KDM4C: variants seen among roughly 807,000 people sequenced by gnomAD.
KDM4C encodes the protein lysine demethylase 4C.
A neutral mutation model predicts 129.3 loss-of-function variants in KDM4C; 81 were observed. The ratio of observed to expected loss-of-function variants is 0.63; its 90% CI spans 0.52 to 0.75. The LOEUF (loss-of-function observed/expected upper bound fraction) is 0.75, where lower values mean the gene tolerates loss of function less well. Ranked by LOEUF, KDM4C falls within the 30% of genes least tolerant of loss-of-function variation. The pLI is 0.00. For missense variants in KDM4C, 1,457 were observed against 1,304.0 expected (o/e 1.12, Z -1.81); for synonymous variants, 573 against 456.1 (o/e 1.26, Z -3.26).
At chr9:6,839,212 G>A (rs951184142) in intron 4 of KDM4C, among the ~76,000 whole-genome samples, 11 of 152,072 alleles carry the variant, frequency 7.2e-5, no homozygotes, top group African/African-American at 2.7e-4. Flanking sequence ...CAAGTCAAAT[G>A]AGGAAAGGCA....
chr9:7,032,260 C>T (rs1327078885), intron 15 of KDM4C, among the ~76,000 whole-genome samples: 4 of 152,264 alleles, frequency 2.6e-5, no homozygotes, highest in East Asian at 3.9e-4. Flanking sequence ...AATCTGAAGG[C>T]AACTTTCTGT....
intron 18 of KDM4C, among the ~76,000 whole-genome samples, chr9:7,116,508 C>G (rs558548182): frequency 6.6e-6 from 1 of 152,148 alleles, no homozygotes; most frequent in Non-Finnish European, 1.5e-5. Context: ...CAGTTCTTTC[C>G]CATCCTGCCC....
intron 9 of KDM4C, among the ~76,000 whole-genome samples, chr9:6,981,408 T>C (rs1816743714): frequency 6.6e-6 from 1 of 152,214 alleles, no homozygotes; most frequent in African/African-American, 2.4e-5. Context: ...GGTTGTATTA[T>C]TCCTTTCTGT....
intron 15 of KDM4C, among the ~76,000 whole-genome samples, chr9:7,045,849 GTAAAAGC>G (rs1338337618): frequency 5.9e-5 from 9 of 151,968 alleles, no homozygotes; most frequent in Admixed American, 5.9e-4. Context: ...CCTCAGAAAA[GTAAAAGC>G]TATGAAGTTT....
intron 12 of KDM4C, among the ~76,000 whole-genome samples, chr9:7,006,560 G>C (rs1821709621): frequency 6.6e-6 from 1 of 152,080 alleles, no homozygotes; most frequent in South Asian, 2.1e-4. Flanking sequence ...TGGAAAGGCT[G>C]AGAAGGGAGG....
rs572239116 is a variant in KDM4C at position 6,807,141 on chromosome 9, C to A, written c.320+1367C>A. ...CTAACCGCGAGTGATCCGCCAGCCT[C>A]GGCCTCCCGAGGTGCCGGGATTGCA... On this transcript the variant is annotated intron_variant, in intron 3 of 21. Coordinates refer to ENST00000381309, the MANE Select transcript of KDM4C (RefSeq NM_015061.6). Among the ~76,000 whole-genome samples the A allele has an allele frequency of 3.5e-3, 535 of 152,054 alleles. 3 individuals are homozygous for A. Among genetic ancestry groups the A allele is most frequent in the Non-Finnish European group, 6.2e-3 (418 of 67,852 alleles).
chr9:6,925,505 A>G (rs1166206934), intron 8 of KDM4C: 4 of 838,240 alleles, frequency 4.8e-6, no homozygotes, highest in African/African-American at 2.1e-5. Flanking sequence ...CATCTTGCTC[A>G]TGCTGCTTTC....
At chr9:7,059,743 A>T (rs931775869) in intron 17 of KDM4C, among the ~76,000 whole-genome samples, 1 of 152,246 alleles carries the variant, frequency 6.6e-6, no homozygotes, top group Non-Finnish European at 1.5e-5. Flanking sequence ...AACTGGGCAG[A>T]GATTGGCAAA....
chr9:7,004,438 A>G (rs977460022), intron 12 of KDM4C, among the ~76,000 whole-genome samples: 1 of 152,208 alleles, frequency 6.6e-6, no homozygotes, highest in African/African-American at 2.4e-5. Context: ...AGAATTGGCA[A>G]TGTTCCCTAT....
At chr9:6,795,053 C>A (rs970024319) in intron 2 of KDM4C, among the ~76,000 whole-genome samples, 2 of 152,138 alleles carry the variant, frequency 1.3e-5, no homozygotes, top group Non-Finnish European at 2.9e-5. Context: ...GTAGACTTGT[C>A]AATATCACTG....
chr9:6,882,894 G>A (rs903701780), intron 6 of KDM4C, among the ~76,000 whole-genome samples: 1 of 151,984 alleles, frequency 6.6e-6, no homozygotes, highest in African/African-American at 2.4e-5. Flanking sequence ...GTCATAGCCC[G>A]ATTTGCAGAG....
At chr9:7,020,804 T>C (rs1824672674) in intron 15 of KDM4C, among the ~76,000 whole-genome samples, 1 of 152,254 alleles carries the variant, frequency 6.6e-6, no homozygotes, top group Non-Finnish European at 1.5e-5. Context: ...TTATGCTTTG[T>C]GTTACAAACA....
At chr9:6,957,200 C>T (rs544204173) in intron 8 of KDM4C, among the ~76,000 whole-genome samples, 9 of 152,332 alleles carry the variant, frequency 5.9e-5, no homozygotes, top group East Asian at 1.9e-4. Flanking sequence ...CAAATTCTCC[C>T]TGGCACACAG....
intron 8 of KDM4C, among the ~76,000 whole-genome samples, chr9:6,923,877 C>G (rs1467540397): frequency 6.6e-6 from 1 of 152,150 alleles, no homozygotes; most frequent in African/African-American, 2.4e-5. Context: ...TGGATTTCAT[C>G]TTTATCTGTA....
intron 1 of KDM4C, among the ~76,000 whole-genome samples, chr9:6,731,313 A>ATT (rs1053829449): frequency 8.8e-6 from 1 of 114,154 alleles, no homozygotes. Flanking sequence ...AAGCAACTAC[A>ATT]TTTTTTTTTT....
chr9:6,820,371 G>T (rs1832811938), intron 4 of KDM4C, among the ~76,000 whole-genome samples: 1 of 152,190 alleles, frequency 6.6e-6, no homozygotes, highest in African/African-American at 2.4e-5. Context: ...CAGGTTGTTT[G>T]CTGAGCAGGA....
At chr9:6,935,948 A>G (rs1163930993) in intron 8 of KDM4C, among the ~76,000 whole-genome samples, 1 of 151,852 alleles carries the variant, frequency 6.6e-6, no homozygotes, top group Admixed American at 6.5e-5. Context: ...AAGAGTTTTA[A>G]AATGTCATCT....
At chr9:6,859,542 G>T (rs1313786400) in intron 5 of KDM4C, among the ~76,000 whole-genome samples, 2 of 142,430 alleles carry the variant, frequency 1.4e-5, no homozygotes, top group East Asian at 4.1e-4. Context: ...TCAAGTAGGT[G>T]GATTTTTTTT....
chr9:7,021,945 G>C (rs1824938030), intron 15 of KDM4C, among the ~76,000 whole-genome samples: 1 of 152,066 alleles, frequency 6.6e-6, no homozygotes, highest in Non-Finnish European at 1.5e-5. Context: ...TGTCATCTTT[G>C]TTGAAAATGA....
Sources: allele counts gnomAD v4.1 joint callset (sites outside exome capture counted in the v4.1 genomes callset), GRCh38; gene constraint gnomAD v4.1.1; transcripts MANE v1.5; gene names NCBI Gene and HGNC (gene_info 2026-07-23, HGNC 2026-07-21).